The following PUM1 variants were observed in gnomAD, a reference collection of about 807,000 sequenced individuals.
PUM1 encodes the protein pumilio homolog 1.
A neutral mutation model predicts 131.8 loss-of-function variants in PUM1; 13 were observed. That is an observed-to-expected ratio of 0.10 (90% confidence interval 0.06 to 0.16). The LOEUF (loss-of-function observed/expected upper bound fraction) is 0.16, where lower values mean the gene tolerates loss of function less well. Among genes scored for constraint, PUM1 ranks in the 10% least tolerant of loss-of-function variants. The pLI is 1.00. For missense variants in PUM1, 961 were observed against 1,512.4 expected (o/e 0.64, Z 6.05); for synonymous variants, 509 against 556.5 (o/e 0.91, Z 1.20).
chr1:30,990,603 T>C (rs1007880489), intron 7 of PUM1, among the ~76,000 whole-genome samples: 14 of 149,966 alleles, frequency 9.3e-5, no homozygotes, highest in African/African-American at 2.0e-4. Flanking sequence ...CACCGAGAGA[T>C]TGAGGGTCTT....
chr1:30,989,663 A>C (rs550502329), intron 7 of PUM1, among the ~76,000 whole-genome samples: 1 of 150,656 alleles, frequency 6.6e-6, no homozygotes, highest in Non-Finnish European at 1.5e-5. Flanking sequence ...CCATAGTTGC[A>C]GGGTTCCAAG....
chr1:30,931,980 C>G lies in PUM1; in HGVS notation c.*1231G>C, dbSNP rs1436531262. ...AACATTTAGAAAGAATCTCGCTATACTTGAGACTAGATGACAAATAAAACC... is the reference window on the plus strand; with the variant it reads ...AACATTTAGAAAGAATCTCGCTATAGTTGAGACTAGATGACAAATAAAACC... On this transcript the variant is annotated 3_prime_UTR_variant, in exon 22 of 22. Transcript: ENST00000426105. The G allele has an allele frequency of 2.0e-5, 3 of 152,554 alleles. No individual in the cohort carries two copies. The highest frequency in any genetic ancestry group is 4.4e-5 in the Non-Finnish European group (3 of 68,034). The allele number at this position is 152,554 out of a possible 1,614,324, so 9.5% of individuals were successfully genotyped here. A position where few individuals can be genotyped will look rare whatever the true frequency, so the allele number is the denominator to read the frequency against.
At chr1:30,983,455 G>C (rs748643505) in intron 7 of PUM1, among the ~76,000 whole-genome samples, 1 of 151,942 alleles carries the variant, frequency 6.6e-6, no homozygotes, top group African/African-American at 2.4e-5. Context: ...GATGTTTTTC[G>C]AGCACCTATT....
chr1:31,061,641 A>T (rs2124023151), intron 1 of PUM1: 1 of 151,840 alleles, frequency 6.6e-6, no homozygotes, highest in African/African-American at 2.4e-5. Context: ...AATTATAAAA[A>T]AAAAAGAAAG....
At chr1:30,968,588 T>A in intron 10 of PUM1, 96 bp from the exon 11 acceptor site, 1 of 1,313,936 alleles carries the variant, frequency 7.6e-7, no homozygotes, top group Non-Finnish European at 1.0e-6. Flanking sequence ...AACTTAATTG[T>A]AAATTGTTTC....
In PUM1 at chr1:30,980,102, C is replaced by T. The variant is rs1199613394; in HGVS notation, c.1314G>A (p.Thr438=). 1 of 1,613,642 alleles carries T rather than the reference C, an allele frequency of 6.2e-7. No homozygotes were observed. The highest frequency in any genetic ancestry group is 1.7e-5 in the Admixed American group (1 of 59,962). Residue 438 remains threonine, a synonymous_variant, in exon 9 of 22, where the codon ACG becomes ACA. Transcript: ENST00000426105. ...PYIISAAPPG[T]DPYTAGLAAA... is the part of the protein sequence containing the mutation. ...CAGCCAATCCAGCTGTGTAGGGGTC[C>T]GTCCCTGGGGGAGCAGCGCTGATGA...
chr1:30,968,513 TAACTC>T (rs910238500), intron 10 of PUM1, 21 bp from the exon 11 acceptor site: 31 of 1,586,178 alleles, frequency 2.0e-5, no homozygotes, highest in Non-Finnish European at 2.3e-5. Flanking sequence ...AAGACAGAAA[TAACTC>T]AACCACTTTC....
chr1:30,972,327 G>C (rs771230660), intron 10 of PUM1, among the ~76,000 whole-genome samples: 957 of 1,010 alleles, frequency 0.95, 464 homozygotes, highest in Middle Eastern at 1. Flanking sequence ...GGGAGGGGAG[G>C]GGAGGGGAGG....
At chr1:31,028,720 G>T in intron 3 of PUM1, 76 bp downstream of exon 3, 1 of 1,145,496 alleles carries the variant, frequency 8.7e-7, no homozygotes, top group South Asian at 1.2e-5. Flanking sequence ...GACTAGATTT[G>T]GACACATTTG....
intron 10 of PUM1, among the ~76,000 whole-genome samples, chr1:30,971,858 T>C (rs1016749994): frequency 2.6e-5 from 4 of 152,226 alleles, no homozygotes; most frequent in Non-Finnish European, 5.9e-5. Context: ...TTTTAAAACA[T>C]GGTAATTACT....
intron 2 of PUM1, among the ~76,000 whole-genome samples, chr1:31,040,564 T>C (rs370085531): frequency 2.0e-5 from 3 of 152,260 alleles, no homozygotes; most frequent in East Asian, 1.9e-4. Flanking sequence ...ACAAATACTT[T>C]AGTATAGCCG....
At position 31,055,523 on chromosome 1, in the gene PUM1, A is replaced by G. The variant is rs973401321; in HGVS notation, c.363+3681T>C. 1.9e-5 allele frequency: 7 copies of G among 373,786 alleles called. No homozygotes were observed. The Admixed American group carries it at 2.2e-4, about 12-fold the overall frequency. The allele number at this position is 373,786 out of a possible 1,614,324, so 23.2% of individuals were successfully genotyped here. A position where few individuals can be genotyped will look rare whatever the true frequency, so the allele number is the denominator to read the frequency against. On this transcript the variant is annotated intron_variant, in intron 2 of 21. Transcript: ENST00000426105. The stretch of plus-strand genomic sequence containing the variant: ...GGTGGTCCACAACTGCAATATACCA[A>G]CTACCCTGAGTTCCCCAACGTTGTT...
At chr1:31,014,045 C>T (rs1642719444) in intron 3 of PUM1, among the ~76,000 whole-genome samples, 1 of 152,098 alleles carries the variant, frequency 6.6e-6, no homozygotes, top group African/African-American at 2.4e-5. Context: ...CTGATTCCTG[C>T]AATCCCAGCA....
At chr1:31,018,964 T>G (rs1642922541) in intron 3 of PUM1, among the ~76,000 whole-genome samples, 1 of 152,214 alleles carries the variant, frequency 6.6e-6, no homozygotes, top group Non-Finnish European at 1.5e-5. Context: ...CAAAGGGTAT[T>G]GAGGCTGCCC....
At chr1:30,969,914 T>C (rs1640805132) in intron 10 of PUM1, among the ~76,000 whole-genome samples, 1 of 152,212 alleles carries the variant, frequency 6.6e-6, no homozygotes, top group Non-Finnish European at 1.5e-5. Flanking sequence ...CCACCTGCCT[T>C]GGCCTGCCAA....
chr1:30,991,809 A>G (rs1320141800), intron 7 of PUM1, among the ~76,000 whole-genome samples: 1 of 152,222 alleles, frequency 6.6e-6, no homozygotes, highest in African/African-American at 2.4e-5. Context: ...ATCTTCAGGG[A>G]CTTATGAATT....
chr1:30,974,147 T>TA (rs1641043692), intron 10 of PUM1, among the ~76,000 whole-genome samples: 1 of 150,756 alleles, frequency 6.6e-6, no homozygotes, highest in South Asian at 2.1e-4. Flanking sequence ...TTTAAAAAAA[T>TA]AAAAGATGTA....
intron 13 of PUM1, among the ~76,000 whole-genome samples, chr1:30,965,297 C>T (rs1029269427): frequency 2.0e-5 from 3 of 152,004 alleles, no homozygotes; most frequent in Non-Finnish European, 4.4e-5. Context: ...TGGGGTACTG[C>T]CCCACTACAC....
chr1:30,952,706 G>T (rs1639997169), intron 15 of PUM1, among the ~76,000 whole-genome samples: 1 of 125,380 alleles, frequency 8.0e-6, no homozygotes, highest in African/African-American at 2.7e-5. Context: ...GGAGGGGCAG[G>T]GGTGCAGGAA....
Sources: allele counts gnomAD v4.1 joint callset (sites outside exome capture counted in the v4.1 genomes callset), GRCh38; gene constraint gnomAD v4.1.1; transcripts MANE v1.5; gene names NCBI Gene and HGNC (gene_info 2026-07-23, HGNC 2026-07-21).